Variants in CDYL observed in about 807,000 individuals in gnomAD.
The protein encoded by CDYL is chromodomain Y like.
A neutral mutation model predicts 47.3 loss-of-function variants in CDYL; 8 were observed. The observed-to-expected ratio is 0.17, with a 90% CI of 0.10 to 0.31. CDYL has a LOEUF of 0.31. CDYL is among the 10% of genes least tolerant of loss of function. The pLI, the probability that CDYL is intolerant of heterozygous loss-of-function variation, is 1.00. For synonymous variants in CDYL, 266 were observed against 265.0 expected, an observed-to-expected ratio of 1.00 and a Z score of -0.04; for missense variants, 471 against 701.4, an observed-to-expected ratio of 0.67 and a Z score of 3.71.
intron 5 of CDYL, among the ~76,000 whole-genome samples, chr6:4,947,262 T>C (rs1437405523): frequency 6.6e-6 from 1 of 152,130 alleles, no homozygotes; most frequent in Non-Finnish European, 1.5e-5. Flanking sequence ...CGTGTTCTGA[T>C]AGGGATGGGT....
intron 1 of CDYL, among the ~76,000 whole-genome samples, chr6:4,890,866 G>A (rs1409336637): frequency 6.6e-6 from 1 of 152,248 alleles, no homozygotes; most frequent in Non-Finnish European, 1.5e-5. Flanking sequence ...AGTAACTGCA[G>A]ATGTAATAAC....
intron 3 of CDYL, among the ~76,000 whole-genome samples, chr6:4,758,404 T>C (rs1486183264): frequency 6.7e-6 from 1 of 148,888 alleles, no homozygotes; most frequent in East Asian, 2.0e-4. Context: ...CTCACATCTG[T>C]AATCCCAGCA....
At chr6:4,953,839 AG>A in intron 6 of CDYL, 58 bp from the exon 7 acceptor site, 1 of 1,524,242 alleles carries the variant, frequency 6.6e-7, no homozygotes, top group Non-Finnish European at 8.9e-7. Flanking sequence ...GTGGAGGCAC[AG>A]GGGACCCGTG....
At chr6:4,855,247 C>G (rs1188615480) in intron 1 of CDYL, among the ~76,000 whole-genome samples, 3 of 152,106 alleles carry the variant, frequency 2.0e-5, no homozygotes, top group Non-Finnish European at 2.9e-5. Context: ...TGACCCTTTT[C>G]TCTATTAATA....
intron 1 of CDYL, among the ~76,000 whole-genome samples, chr6:4,856,085 A>C (rs1011556055): frequency 6.6e-6 from 1 of 152,252 alleles, no homozygotes; most frequent in African/African-American, 2.4e-5. Flanking sequence ...CATGCTCAGC[A>C]AATGTGCCTC....
chr6:4,777,089 A>G (rs1490156478), intron 1 of CDYL, among the ~76,000 whole-genome samples: 42 of 145,318 alleles, frequency 2.9e-4, no homozygotes, highest in Non-Finnish European at 4.5e-4. Context: ...ACTGAGCTCA[A>G]AGTGCTCTTG....
Position 4,886,973 on chromosome 6 carries a change from G to T in CDYL, c.25-4740G>T, listed in dbSNP as rs576397016. On this transcript the variant is annotated intron_variant, in intron 1 of 6. Transcript: ENST00000397588. ...AAGATTATTCTTTTCCCCATGGAAT[G>T]GTAGTGACAGTGTTGTCCAAAATAT... 5.3e-5 allele frequency among the ~76,000 whole-genome samples: 8 copies of T among 152,316 alleles called. No homozygotes were observed. In the East Asian group the frequency reaches 1.5e-3, roughly 29 times the overall value.
chr6:4,910,639 C>T (rs917336561), intron 2 of CDYL, among the ~76,000 whole-genome samples: 1 of 152,058 alleles, frequency 6.6e-6, no homozygotes, highest in Admixed American at 6.5e-5. Context: ...TTCAAAGGCT[C>T]AAGGAGCGAG....
At chr6:4,845,447 T>C (rs1003750683) in intron 1 of CDYL, among the ~76,000 whole-genome samples, 1 of 152,242 alleles carries the variant, frequency 6.6e-6, no homozygotes, top group African/African-American at 2.4e-5. Flanking sequence ...TTCTTCGTTA[T>C]TGTGTATATG....
chr6:4,896,312 C>T (rs886957161), intron 2 of CDYL, among the ~76,000 whole-genome samples: 1 of 152,194 alleles, frequency 6.6e-6, no homozygotes, highest in Non-Finnish European at 1.5e-5. Context: ...GGTACCTGTG[C>T]AGAGAAGAGC....
At chr6:4,893,016 C>T (rs940374119) in intron 2 of CDYL, among the ~76,000 whole-genome samples, 11 of 152,244 alleles carry the variant, frequency 7.2e-5, no homozygotes, top group African/African-American at 2.7e-4. Context: ...CTGTCCATCT[C>T]CCAGGACAGC....
intron 1 of CDYL, among the ~76,000 whole-genome samples, chr6:4,804,477 G>A (rs191431589): frequency 2.6e-4 from 40 of 152,292 alleles, no homozygotes; most frequent in East Asian, 2.5e-3. Context: ...TCTTACGACC[G>A]CATCTCCAGG....
At chr6:4,833,399 A>T (rs1760203519) in intron 1 of CDYL, among the ~76,000 whole-genome samples, 2 of 151,726 alleles carry the variant, frequency 1.3e-5, no homozygotes, top group Admixed American at 1.3e-4. Context: ...GAGTTTCTTA[A>T]TCCTGAGTTC....
At chr6:4,827,359 C>T (rs1760008600) in intron 1 of CDYL, among the ~76,000 whole-genome samples, 2 of 152,072 alleles carry the variant, frequency 1.3e-5, no homozygotes, top group Non-Finnish European at 2.9e-5. Flanking sequence ...TTCCTCATTG[C>T]CTTAATTACT....
chr6:4,840,251 A>G (rs1760448151), intron 1 of CDYL, among the ~76,000 whole-genome samples: 1 of 152,076 alleles, frequency 6.6e-6, no homozygotes, highest in Non-Finnish European at 1.5e-5. Context: ...ATTTGTGTAC[A>G]TTAGCTTTGT....
intron 3 of CDYL, among the ~76,000 whole-genome samples, chr6:4,735,615 A>T (rs1757688729): frequency 6.6e-6 from 1 of 151,770 alleles, no homozygotes; most frequent in African/African-American, 2.4e-5. Context: ...AATACAAAAA[A>T]ATTAGCCAAG....
chr6:4,768,430 C>T (rs773568614), intron 3 of CDYL, among the ~76,000 whole-genome samples: 10 of 152,184 alleles, frequency 6.6e-5, no homozygotes, highest in African/African-American at 1.2e-4. Context: ...AAATATACAC[C>T]GCCTCATGAT....
At chr6:4,711,434 G>A (rs1757151376) in intron 1 of CDYL, among the ~76,000 whole-genome samples, 1 of 152,156 alleles carries the variant, frequency 6.6e-6, no homozygotes, top group Non-Finnish European at 1.5e-5. Context: ...GCGACAGAAG[G>A]CCCTTTACCC....
chr6:4,890,789 C>T (rs1296819462), intron 1 of CDYL, among the ~76,000 whole-genome samples: 1 of 152,236 alleles, frequency 6.6e-6, no homozygotes, highest in East Asian at 1.9e-4. Context: ...CACTCCGTGG[C>T]TGTAGGCCTC....
Sources: gnomAD v4.1 joint callset for allele counts (sites outside exome capture counted in the v4.1 genomes callset) on GRCh38, gnomAD v4.1.1 for gene constraint, MANE v1.5 for transcripts, NCBI Gene and HGNC (gene_info 2026-07-23, HGNC 2026-07-21) for gene names.